CPE: variants seen among roughly 807,000 people sequenced by gnomAD.
CPE encodes carbocypeptidase E.
CPE carries 17 observed loss-of-function variants against 53.5 expected under a neutral mutation model. The ratio of observed to expected loss-of-function variants is 0.32; its 90% confidence interval spans 0.22 to 0.48. The LOEUF (loss-of-function observed/expected upper bound fraction) is 0.48, where lower values mean the gene tolerates loss of function less well. CPE is among the 20% of genes least tolerant of loss of function. The probability of loss-of-function intolerance (pLI) is 0.99; values close to 1 mark genes in which losing one functional copy is unlikely to be tolerated. For missense variants in CPE, 524 were observed against 614.7 expected (o/e 0.85, Z 1.56); for synonymous variants, 226 against 228.8 (o/e 0.99, Z 0.11).
At chr4:165,469,442 G>A (rs910762809) in intron 3 of CPE, among the ~76,000 whole-genome samples, 8 of 152,032 alleles carry the variant, frequency 5.3e-5, no homozygotes, top group African/African-American at 1.2e-4. Flanking sequence ...AGCTGGCTTC[G>A]ATACCCTATA....
chr4:165,464,682 T>G, intron 2 of CPE, 96 bp downstream of exon 2: 19 of 1,079,774 alleles, frequency 1.8e-5, no homozygotes, highest in Non-Finnish European at 2.5e-5. Flanking sequence ...CGCACAAAGC[T>G]TACAGATGGT....
chr4:165,405,708 T>G, intron 1 of CPE: 1 of 827,160 alleles, frequency 1.2e-6, no homozygotes, highest in South Asian at 1.3e-5. Context: ...ATTCCACCAA[T>G]TGGTCAACCA....
At position 165,430,679 on chromosome 4, in the gene CPE, A is replaced by T. The variant is rs561921362; in HGVS notation, c.308-33711A>T. 3.9e-5 allele frequency among the ~76,000 whole-genome samples: 6 copies of T among 152,322 alleles called. No individual in the cohort carries two copies. The South Asian group carries it at 1.2e-3, about 32-fold the overall frequency. On this transcript the variant is annotated intron_variant, in intron 1 of 8. Transcript: ENST00000402744. ...TTTTATTATACTTAATATATGCCTCATAAAAGAAATGCAAAAAGAAAATTA... is the reference window on the plus strand; with the variant it reads ...TTTTATTATACTTAATATATGCCTCTTAAAAGAAATGCAAAAAGAAAATTA...
intron 1 of CPE, among the ~76,000 whole-genome samples, chr4:165,461,169 A>G (rs1230004784): frequency 9.9e-6 from 1 of 100,874 alleles, no homozygotes; most frequent in Non-Finnish European, 2.0e-5. Context: ...TCTGCCTCAA[A>G]AAAAAAAAAA....
intron 1 of CPE, among the ~76,000 whole-genome samples, chr4:165,395,235 G>A (rs577549843): frequency 1.3e-5 from 2 of 152,230 alleles, no homozygotes; most frequent in South Asian, 4.1e-4. Context: ...ATAATTTCAC[G>A]GTTAATTTGG....
At chr4:165,448,930 G>C (rs1421072475) in intron 1 of CPE, among the ~76,000 whole-genome samples, 7 of 152,194 alleles carry the variant, frequency 4.6e-5, no homozygotes, top group Non-Finnish European at 1.5e-5. Flanking sequence ...CTGTGAATAA[G>C]CTCTGTGGTA....
intron 1 of CPE, among the ~76,000 whole-genome samples, chr4:165,441,777 C>G (rs537379062): frequency 6.6e-6 from 1 of 152,256 alleles, no homozygotes; most frequent in African/African-American, 2.4e-5. Context: ...ACCACTGTTG[C>G]TCCAGCCCAA....
At position 165,449,186 on chromosome 4, in the gene CPE, T is replaced by C. The variant is rs543258177; in HGVS notation, c.308-15204T>C. Among the ~76,000 whole-genome samples the C allele has an allele frequency of 5.3e-5, 8 of 152,346 alleles. No homozygotes were observed. The South Asian group carries it at 1.7e-3, about 32-fold the overall frequency. On this transcript the variant is annotated intron_variant, in intron 1 of 8. Transcript: ENST00000402744. ...ACCAATCCTCAGATTCTAGGTCTAA[T>C]AAGATAGTTTACTTTTGGCATGATT...
chr4:165,395,542 C>G (rs1198402787), intron 1 of CPE, among the ~76,000 whole-genome samples: 2 of 152,130 alleles, frequency 1.3e-5, no homozygotes, highest in Non-Finnish European at 2.9e-5. Flanking sequence ...AGATTCTTTT[C>G]CAAGTTATCT....
intron 1 of CPE, chr4:165,404,734 A>C (rs547831491): frequency 1.2e-6 from 1 of 815,000 alleles, no homozygotes. Context: ...AGCCAGGTCC[A>C]TCCTTAACCA....
intron 1 of CPE, among the ~76,000 whole-genome samples, chr4:165,445,933 A>C (rs1348550086): frequency 6.6e-6 from 1 of 152,148 alleles, no homozygotes; most frequent in Non-Finnish European, 1.5e-5. Flanking sequence ...ATTATAATAG[A>C]ATAAAGTCCA....
intron 1 of CPE, among the ~76,000 whole-genome samples, chr4:165,447,889 A>C (rs4691198): frequency 0.041 from 6,244 of 152,264 alleles, 211 homozygotes; most frequent in East Asian, 0.15. Flanking sequence ...GAACATCAAA[A>C]CATAGGCCCT....
chr4:165,425,559 G>T (rs561729091), intron 1 of CPE, among the ~76,000 whole-genome samples: 1 of 149,266 alleles, frequency 6.7e-6, no homozygotes, highest in South Asian at 2.1e-4. Flanking sequence ...AAGGAGCAAG[G>T]AATAAAAAAA....
In CPE at chr4:165,475,423, CAG is replaced by C. The variant is rs370390548; in HGVS notation, c.673-6818_673-6817del. Among the ~76,000 whole-genome samples the C allele has an allele frequency of 3.7e-3, 559 of 152,276 alleles. 6 individuals are homozygous for C. The highest frequency in any genetic ancestry group is 0.013 in the African/African-American group (520 of 41,564). On this transcript the variant is annotated intron_variant, in intron 3 of 8. Coordinates refer to ENST00000402744, the MANE Select transcript of CPE (RefSeq NM_001873.4). Reference sequence around the variant, plus strand: ...GTAGGGTAAAAACAAGTATAAACCTCAGGGGATATTTGCAAGGGAGCCTATGT... The same window carrying C: ...GTAGGGTAAAAACAAGTATAAACCTCGGGATATTTGCAAGGGAGCCTATGT...
intron 1 of CPE, among the ~76,000 whole-genome samples, chr4:165,380,425 A>G (rs1272337779): frequency 6.6e-6 from 1 of 152,190 alleles, no homozygotes; most frequent in Non-Finnish European, 1.5e-5. Context: ...ATTGTGATGC[A>G]TTTAGTATTA....
intron 1 of CPE, among the ~76,000 whole-genome samples, chr4:165,459,420 C>T (rs774020633): frequency 1.3e-5 from 2 of 152,004 alleles, no homozygotes; most frequent in African/African-American, 2.4e-5. Flanking sequence ...GTGAGAAGAT[C>T]GTCTTTTAAT....
chr4:165,448,378 C>A (rs372729479), intron 1 of CPE, among the ~76,000 whole-genome samples: 141 of 152,170 alleles, frequency 9.3e-4, no homozygotes, highest in African/African-American at 3.3e-3. Context: ...ACAATGTCTT[C>A]AGTTACCTAT....
intron 1 of CPE, among the ~76,000 whole-genome samples, chr4:165,431,017 G>A (rs1430040173): frequency 6.6e-6 from 1 of 152,180 alleles, no homozygotes; most frequent in Non-Finnish European, 1.5e-5. Context: ...TGGAGACTTT[G>A]TGATCATACC....
At chr4:165,461,106 G>T (rs1447395722) in intron 1 of CPE, among the ~76,000 whole-genome samples, 1 of 144,580 alleles carries the variant, frequency 6.9e-6, no homozygotes, top group Non-Finnish European at 1.5e-5. Flanking sequence ...GGTCGAGGCT[G>T]CAGTGAGCCA....
Sources: allele counts gnomAD v4.1 joint callset (sites outside exome capture counted in the v4.1 genomes callset), GRCh38; gene constraint gnomAD v4.1.1; transcripts MANE v1.5; gene names NCBI Gene and HGNC (gene_info 2026-07-23, HGNC 2026-07-21).